The following CBLL1 variants were observed in gnomAD, a reference collection of about 807,000 sequenced individuals.
The protein encoded by CBLL1 is E3 ubiquitin-protein ligase Hakai.
CBLL1 carries 4 observed loss-of-function variants against 44.9 expected under a neutral mutation model. The ratio of observed to expected loss-of-function variants is 0.09; its 90% confidence interval spans 0.04 to 0.20. CBLL1 has a LOEUF of 0.20. Among genes scored for constraint, CBLL1 ranks in the 10% least tolerant of loss-of-function variants. The pLI, the probability that CBLL1 is intolerant of heterozygous loss-of-function variation, is 1.00. For missense variants in CBLL1, 569 were observed against 636.7 expected, an observed-to-expected ratio of 0.89 and a Z score of 1.14; for synonymous variants, 235 against 202.2, an observed-to-expected ratio of 1.16 and a Z score of -1.38.
chr7:107,751,033 G>C (rs1260711214), intron 2 of CBLL1, among the ~76,000 whole-genome samples: 1 of 151,626 alleles, frequency 6.6e-6, no homozygotes, highest in Non-Finnish European at 1.5e-5. Context: ...TGCTGAATAG[G>C]GATTTTACTG....
rs1209731580 is a variant in CBLL1, at chr7:107,744,195, T to TG, written c.13+24dup. On this transcript the variant is annotated intron_variant, in intron 1 of 5. Coordinates refer to ENST00000440859, the MANE Select transcript of CBLL1 (RefSeq NM_024814.4). ...CACACTGGTAAGGAGGCGGAGGCAG[T>TG]GGGGGTCCCGGTTCCAAGCCCCCTT... 2 of 1,546,064 alleles carry TG rather than the reference T, an allele frequency of 1.3e-6. No homozygotes were observed. The highest frequency in any genetic ancestry group is 8.7e-7 in the Non-Finnish European group (1 of 1,144,230).
At chr7:107,752,548 T>C in intron 2 of CBLL1, 1 of 1,289,484 alleles carries the variant, frequency 7.8e-7, no homozygotes, top group Non-Finnish European at 1.0e-6. Context: ...TTACCAGTTC[T>C]AGGGCCAAAA....
chr7:107,745,884 G>T (rs1792990310), intron 1 of CBLL1, among the ~76,000 whole-genome samples: 1 of 152,178 alleles, frequency 6.6e-6, no homozygotes, highest in Admixed American at 6.5e-5. Context: ...TTTGGTCTTG[G>T]ACTGCTAGTG....
chr7:107,758,363 A>C lies in CBLL1; in HGVS notation c.661A>C (p.Ile221Leu). 2 of 1,614,122 alleles carry C rather than the reference A, an allele frequency of 1.2e-6. No individual in the cohort carries two copies. Among genetic ancestry groups the C allele is most frequent in the Non-Finnish European group, 1.7e-6 (2 of 1,180,012 alleles). Residue 221 changes from isoleucine to leucine, a missense_variant, in exon 6 of 6, where the codon ATA becomes CTA. Physicochemically the swap from Ile to Leu is conservative, Grantham distance 5. Transcript: ENST00000440859. The surrounding 1 kb of genome is among the most constrained non-coding windows in gnomAD (Gnocchi z 4.2). ...PPPTEIPERF[I>L]MPPDKHHMSH... is the part of the protein sequence containing the mutation. The stretch of plus-strand genomic sequence containing the variant: ...ACCAACTGAAATCCCTGAGCGTTTT[A>C]TAATGCCACCAGACAAGCACCATAT...
Position 107,760,722 on chromosome 7 carries a change from T to C in CBLL1, c.*1544T>C, listed in dbSNP as rs775847285. The C allele has an allele frequency of 6.6e-6, 1 of 152,222 alleles. No individual in the cohort carries two copies. The highest frequency in any genetic ancestry group is 1.5e-5 in the Non-Finnish European group (1 of 67,920). The allele number at this position is 152,222 out of a possible 1,614,324, so 9.4% of individuals were successfully genotyped here. ...GTTTGTAGTGTATACATTTAGAACATACTTCTTTTGACAAAGGGTGATCTG... is the reference window on the plus strand; with the variant it reads ...GTTTGTAGTGTATACATTTAGAACACACTTCTTTTGACAAAGGGTGATCTG... On this transcript the variant is annotated 3_prime_UTR_variant, in exon 6 of 6. Coordinates refer to ENST00000440859, the MANE Select transcript of CBLL1 (RefSeq NM_024814.4).
Position 107,753,655 on chromosome 7 carries a change from G to C in CBLL1, c.282+144G>C. The stretch of plus-strand genomic sequence containing the variant: ...GATTTTCAGCACATACAAATCATTT[G>C]TTAATACTCTATTTTCAAGAATAAT... On this transcript the variant is annotated intron_variant, in intron 3 of 5. Transcript: ENST00000440859. 3 of 573,756 alleles carry C rather than the reference G, an allele frequency of 5.2e-6. No individual in the cohort carries two copies. The South Asian group carries it at 9.6e-5, about 18-fold the overall frequency. The allele number at this position is 573,756 out of a possible 1,614,324, so 35.5% of individuals were successfully genotyped here.
chr7:107,758,212 A>G lies in CBLL1; in HGVS notation c.510A>G (p.Gln170=). ...RGSLFMCSIV[Q]GCKRTYLSQR... is the part of the protein sequence containing the mutation. ...CTCTCTTCATGTGTAGCATTGTTCA[A>G]GGGTGCAAGAGAACATATTTGTCTC... Residue 170 remains glutamine (Q), a synonymous_variant, in exon 6 of 6, where the codon CAA becomes CAG. Transcript: ENST00000440859. This position sits in a 1 kb window ranked among gnomAD's most constrained non-coding sequence, Gnocchi z 4.2. 6.2e-7 allele frequency: 1 copy of G among 1,614,156 alleles called. No homozygotes were observed. Among genetic ancestry groups the G allele is most frequent in the Non-Finnish European group, 8.5e-7 (1 of 1,180,004 alleles).
intron 1 of CBLL1, among the ~76,000 whole-genome samples, chr7:107,748,144 A>T (rs974246070): frequency 1.3e-5 from 2 of 152,080 alleles, no homozygotes; most frequent in Admixed American, 6.6e-5. Context: ...ACAAGCAAAG[A>T]CTCCAGGGAC....
chr7:107,756,053 G>A (rs545384471), intron 5 of CBLL1, among the ~76,000 whole-genome samples: 2 of 152,252 alleles, frequency 1.3e-5, no homozygotes, highest in East Asian at 1.9e-4. Context: ...TGTATTTGGA[G>A]TATGTCTTAG....
At chr7:107,757,895 G>A (rs1241220036) in intron 5 of CBLL1, among the ~76,000 whole-genome samples, 3 of 152,098 alleles carry the variant, frequency 2.0e-5, no homozygotes, top group Admixed American at 1.3e-4. Flanking sequence ...GAAGAATGAG[G>A]TCTCTTCTTG....
intron 1 of CBLL1, among the ~76,000 whole-genome samples, chr7:107,748,586 TC>T (rs1186517151): frequency 1.3e-5 from 2 of 152,204 alleles, no homozygotes; most frequent in African/African-American, 4.8e-5. Flanking sequence ...GTTTCATGTT[TC>T]TGTAAACTTC....
intron 4 of CBLL1, 44 bp downstream of exon 4, chr7:107,754,022 A>G: frequency 1.6e-6 from 2 of 1,263,076 alleles, no homozygotes; most frequent in Non-Finnish European, 2.2e-6. Context: ...GCATTTGCAT[A>G]GAGGTGGGGT....
intron 5 of CBLL1, among the ~76,000 whole-genome samples, chr7:107,755,762 G>A (rs1330505493): frequency 6.6e-6 from 1 of 151,806 alleles, no homozygotes; most frequent in African/African-American, 2.4e-5. Context: ...TTTTTTAATG[G>A]GACATTAAAG....
chr7:107,752,289 T>G (rs985714346), intron 2 of CBLL1, among the ~76,000 whole-genome samples: 1 of 152,106 alleles, frequency 6.6e-6, no homozygotes, highest in Admixed American at 6.5e-5. Context: ...ATGGGTGATA[T>G]AGGAGCCTAG....
intron 1 of CBLL1, 29 bp downstream of exon 1, chr7:107,744,205 G>A (rs1237234517): frequency 1.9e-6 from 3 of 1,541,192 alleles, no homozygotes; most frequent in South Asian, 1.2e-5. Context: ...TGGGGGTCCC[G>A]GTTCCAAGCC....
At chr7:107,750,818 T>G (rs937192139) in intron 2 of CBLL1, among the ~76,000 whole-genome samples, 1 of 151,950 alleles carries the variant, frequency 6.6e-6, no homozygotes, top group African/African-American at 2.4e-5. Flanking sequence ...AAGTATTATC[T>G]ATGGGGGCTT....
intron 2 of CBLL1, among the ~76,000 whole-genome samples, chr7:107,753,049 A>C (rs925866048): frequency 6.6e-6 from 1 of 152,220 alleles, no homozygotes; most frequent in African/African-American, 2.4e-5. Flanking sequence ...AAATTTGTGC[A>C]ACAAGCATGA....
In CBLL1 at chr7:107,753,432, A is replaced by G. The variant is rs1414788618; in HGVS notation, c.203A>G (p.Glu68Gly). The G allele has an allele frequency of 2.5e-6, 4 of 1,579,806 alleles. No individual in the cohort carries two copies. The highest frequency in any genetic ancestry group is 3.4e-6 in the Non-Finnish European group (4 of 1,168,720). ...GDEEGFDYNE[E>G]ERYDCKGGEL... is the part of the protein sequence containing the mutation. ...TCAGAAGGATTTGATTATAATGAAG[A>G]AGAACGGTATGACTGTAAAGGGGGT... Residue 68 changes from glutamate (E) to glycine (G), a missense_variant, in exon 3 of 6, where the codon GAA becomes GGA. Around this residue, in one of 5 missense-constraint regions of CBLL1, gnomAD observed 209 missense variants for 202.8 expected, o/e 1.03. Transcript: ENST00000440859.
intron 2 of CBLL1, chr7:107,752,412 A>G (rs916326559): frequency 3.2e-5 from 11 of 347,862 alleles, no homozygotes; most frequent in African/African-American, 2.4e-4. Flanking sequence ...AACTTCTTGC[A>G]TCATTGTTTG....
Sources: gnomAD v4.1 joint callset for allele counts (sites outside exome capture counted in the v4.1 genomes callset) on GRCh38, gnomAD v4.1.1 for gene constraint, gnomAD v4.1.1 regional missense constraint, Gnocchi (gnomAD v3.1) non-coding constraint, MANE v1.5 for transcripts, NCBI Gene and HGNC (gene_info 2026-07-23, HGNC 2026-07-21) for gene names.